PDE1C: variants seen among roughly 807,000 people sequenced by gnomAD.
The protein encoded by PDE1C is phosphodiesterase 1C.
PDE1C carries 62 observed loss-of-function variants against 93.1 expected under a neutral mutation model. The ratio of observed to expected loss-of-function variants is 0.67; its 90% CI spans 0.54 to 0.82. The LOEUF (loss-of-function observed/expected upper bound fraction) is 0.82, where lower values mean the gene tolerates loss of function less well. Ranked by LOEUF, PDE1C falls within the 40% of genes least tolerant of loss-of-function variation. PDE1C has a pLI of 0.00. For synonymous variants in PDE1C, 325 were observed against 310.1 expected (o/e 1.05, Z -0.50); for missense variants, 742 against 884.6 (o/e 0.84, Z 2.04).
At chr7:31,868,242 T>C (rs1435428893) in intron 6 of PDE1C, among the ~76,000 whole-genome samples, 2 of 152,158 alleles carry the variant, frequency 1.3e-5, no homozygotes, top group African/African-American at 4.8e-5. Context: ...ATTCAAATTA[T>C]TGATTCTAAA....
chr7:31,669,416 G>C, the PDE1C span, among the ~76,000 whole-genome samples: 2 of 152,214 alleles, frequency 1.3e-5, no homozygotes, highest in East Asian at 3.9e-4. Context: ...AAAAGTTTAA[G>C]CTACTCTTAT....
chr7:32,214,142 A>C (rs984248581), intron 1 of PDE1C, among the ~76,000 whole-genome samples: 8 of 152,148 alleles, frequency 5.3e-5, no homozygotes, highest in African/African-American at 1.9e-4. Context: ...ACACAGGTAT[A>C]AATGTTTATA....
chr7:32,265,980 G>A lies in PDE1C; in HGVS notation c.85+32671C>T, dbSNP rs117661260. Among the ~76,000 whole-genome samples the A allele has an allele frequency of 3.7e-4, 57 of 152,222 alleles. 1 individual carries two copies. The East Asian group carries it at 9.1e-3, about 24-fold the overall frequency. On this transcript the variant is annotated intron_variant, in intron 1 of 18. Transcript: ENST00000396193. ...GAATAATACCAAGGAAGATGATCAA[G>A]AGAAGCAAAGGTGGCCGGGCGCGGT...
At chr7:31,704,333 G>A in the PDE1C span, among the ~76,000 whole-genome samples, 7 of 152,136 alleles carry the variant, frequency 4.6e-5, no homozygotes, top group Non-Finnish European at 8.8e-5. Context: ...ATTTTAGATG[G>A]GGCTCTGGGT....
the PDE1C span, among the ~76,000 whole-genome samples, chr7:31,704,337 T>C: frequency 6.6e-6 from 1 of 152,190 alleles, no homozygotes; most frequent in Admixed American, 6.5e-5. Flanking sequence ...TAGATGGGGC[T>C]CTGGGTGGGA....
chr7:31,671,215 G>A, the PDE1C span, among the ~76,000 whole-genome samples: 2 of 152,138 alleles, frequency 1.3e-5, no homozygotes. Flanking sequence ...AAAACTGAAG[G>A]AGCACTGACT....
At chr7:31,925,650 T>C (rs1245611920) in intron 2 of PDE1C, among the ~76,000 whole-genome samples, 1 of 152,208 alleles carries the variant, frequency 6.6e-6, no homozygotes, top group African/African-American at 2.4e-5. Context: ...GGGAGACAAT[T>C]TGCATCATAA....
chr7:31,861,937 G>A (rs1349484736), intron 7 of PDE1C, among the ~76,000 whole-genome samples: 1 of 152,166 alleles, frequency 6.6e-6, no homozygotes, highest in Non-Finnish European at 1.5e-5. Context: ...TCTAGCTCCT[G>A]CTTCTTCCTC....
chr7:31,652,575 A>T, the PDE1C span: 1 of 1,611,556 alleles, frequency 6.2e-7, no homozygotes, highest in Admixed American at 1.7e-5. Context: ...GCATCAATAT[A>T]ACTGGATAGA....
chr7:31,926,560 G>A (rs919239283), intron 2 of PDE1C, among the ~76,000 whole-genome samples: 4 of 152,192 alleles, frequency 2.6e-5, no homozygotes, highest in African/African-American at 9.7e-5. Flanking sequence ...CAGAAGGTGG[G>A]TGATTCCTGC....
intron 2 of PDE1C, among the ~76,000 whole-genome samples, chr7:32,022,972 T>TG (rs1788892793): frequency 1.3e-5 from 2 of 151,972 alleles, no homozygotes; most frequent in Admixed American, 1.3e-4. Flanking sequence ...TCTTTTTTTT[T>TG]TTTTTAACAT....
At chr7:32,368,587 T>A (rs1585128500) in intron 1 of PDE1C, among the ~76,000 whole-genome samples, 2 of 152,240 alleles carry the variant, frequency 1.3e-5, no homozygotes, top group Admixed American at 1.3e-4. Context: ...CTCAAAGCAA[T>A]CTACAGATTC....
chr7:31,995,211 G>A lies in PDE1C; in HGVS notation c.128+56343C>T, dbSNP rs115535574. 4.5e-3 allele frequency among the ~76,000 whole-genome samples: 687 copies of A among 152,240 alleles called. 4 individuals carry two copies. The highest frequency in any genetic ancestry group is 0.016 in the African/African-American group (661 of 41,542). ...TCCTGTATTCCCTTTAACTATAGGTGTAGCTACTGCCCAAAGGGTTCCTAA... is the reference window on the plus strand; with the variant it reads ...TCCTGTATTCCCTTTAACTATAGGTATAGCTACTGCCCAAAGGGTTCCTAA... On this transcript the variant is annotated intron_variant, in intron 2 of 17. Transcript: ENST00000396191.
At chr7:32,153,496 G>C (rs1801385136) in intron 3 of PDE1C, among the ~76,000 whole-genome samples, 1 of 152,182 alleles carries the variant, frequency 6.6e-6, no homozygotes, top group Non-Finnish European at 1.5e-5. Flanking sequence ...AAGGTCAAGG[G>C]GGAGCCTGGA....
intron 2 of PDE1C, among the ~76,000 whole-genome samples, chr7:31,979,636 T>C (rs1812123221): frequency 6.6e-6 from 1 of 152,206 alleles, no homozygotes; most frequent in African/African-American, 2.4e-5. Context: ...GTAAGCACTA[T>C]ACTATTAAGA....
chr7:31,924,762 C>T (rs1803122450), intron 2 of PDE1C, among the ~76,000 whole-genome samples: 1 of 152,076 alleles, frequency 6.6e-6, no homozygotes, highest in Admixed American at 6.6e-5. Flanking sequence ...ACTGGAGAGT[C>T]CAAAGCATCA....
intron 2 of PDE1C, among the ~76,000 whole-genome samples, chr7:32,207,809 C>A (rs906455864): frequency 7.9e-5 from 12 of 152,178 alleles, no homozygotes; most frequent in African/African-American, 2.9e-4. Flanking sequence ...TGTGAAGGGA[C>A]AAATTGCCTC....
At chr7:32,310,357 G>A (rs1461229938) in intron 1 of PDE1C, among the ~76,000 whole-genome samples, 2 of 152,054 alleles carry the variant, frequency 1.3e-5, no homozygotes, top group Non-Finnish European at 2.9e-5. Flanking sequence ...CAGAAAGTTA[G>A]CAAGGATACC....
At chr7:32,209,365 A>G in intron 2 of PDE1C, 1 of 801,634 alleles carries the variant, frequency 1.2e-6, no homozygotes, top group African/African-American at 1.8e-5. Flanking sequence ...ACCAGATGAT[A>G]TTTCCTGCAT....
Sources: gnomAD v4.1 joint callset for allele counts (sites outside exome capture counted in the v4.1 genomes callset) on GRCh38, gnomAD v4.1.1 for gene constraint, MANE v1.5 for transcripts, NCBI Gene and HGNC (gene_info 2026-07-23, HGNC 2026-07-21) for gene names.